Variants in ZNF804B observed in about 807,000 individuals in gnomAD.
ZNF804B encodes the protein zinc finger protein 804B, also known as zinc finger 804B.
In ZNF804B, 80 loss-of-function variants were observed where a neutral mutation model predicts 101.4. The observed-to-expected ratio is 0.79, with a 90% CI of 0.66 to 0.95. The LOEUF is 0.95. Among genes scored for constraint, ZNF804B ranks in the 40% least tolerant of loss-of-function variants. The probability of loss-of-function intolerance (pLI) is 0.00; values close to 1 mark genes in which losing one functional copy is unlikely to be tolerated. For synonymous variants in ZNF804B, 622 were observed against 558.8 expected (o/e 1.11, Z -1.59); for missense variants, 1,673 against 1,561.9 (o/e 1.07, Z -1.20).
intron 1 of ZNF804B, among the ~76,000 whole-genome samples, chr7:89,016,135 C>A (rs1283846330): frequency 1.3e-5 from 2 of 151,920 alleles, no homozygotes; most frequent in Non-Finnish European, 2.9e-5. Flanking sequence ...TAAATGTCTT[C>A]TTTTGAGAAG....
At chr7:88,830,703 C>T (rs978736532) in intron 1 of ZNF804B, among the ~76,000 whole-genome samples, 1 of 151,840 alleles carries the variant, frequency 6.6e-6, no homozygotes, top group African/African-American at 2.4e-5. Flanking sequence ...CACTATAGCC[C>T]TTATTTAGAT....
chr7:88,872,094 C>T (rs115343104), intron 1 of ZNF804B, among the ~76,000 whole-genome samples: 4,332 of 152,220 alleles, frequency 0.028, 219 homozygotes, highest in African/African-American at 0.098. Flanking sequence ...TTTTAAAACT[C>T]AGACAAAAAT....
At chr7:88,976,896 G>A (rs1793621663) in intron 1 of ZNF804B, among the ~76,000 whole-genome samples, 1 of 151,478 alleles carries the variant, frequency 6.6e-6, no homozygotes, top group African/African-American at 2.4e-5. Flanking sequence ...TTCTTTGTGT[G>A]TGGTATGTTC....
intron 1 of ZNF804B, among the ~76,000 whole-genome samples, chr7:88,787,408 C>A (rs144261567): frequency 1.3e-5 from 2 of 152,054 alleles, no homozygotes; most frequent in Non-Finnish European, 2.9e-5. Flanking sequence ...AGTGTTTATG[C>A]ACACTTCTTT....
At chr7:88,982,004 T>C (rs1464016358) in intron 1 of ZNF804B, among the ~76,000 whole-genome samples, 2 of 152,036 alleles carry the variant, frequency 1.3e-5, no homozygotes, top group Non-Finnish European at 2.9e-5. Context: ...TGGATAGTTA[T>C]TCAGTTTGTT....
intron 1 of ZNF804B, among the ~76,000 whole-genome samples, chr7:89,046,717 A>G (rs922376305): frequency 6.6e-6 from 1 of 152,094 alleles, no homozygotes; most frequent in South Asian, 2.1e-4. Flanking sequence ...CAAAAAAAGG[A>G]AGCGGAAAGT....
intron 1 of ZNF804B, among the ~76,000 whole-genome samples, chr7:89,070,441 A>G (rs551794375): frequency 2.0e-5 from 3 of 152,116 alleles, no homozygotes; most frequent in Admixed American, 6.5e-5. Flanking sequence ...TCCCAGAATG[A>G]TGTAATAACA....
intron 1 of ZNF804B, among the ~76,000 whole-genome samples, chr7:89,212,717 T>A (rs1182836816): frequency 1.3e-5 from 2 of 152,194 alleles, no homozygotes; most frequent in Non-Finnish European, 2.9e-5. Context: ...GTCTTAGGTG[T>A]CTTAGGAGAC....
At chr7:89,141,233 AATT>A (rs1186696910) in intron 1 of ZNF804B, among the ~76,000 whole-genome samples, 4 of 152,068 alleles carry the variant, frequency 2.6e-5, no homozygotes, top group African/African-American at 4.8e-5. Flanking sequence ...ATATAATAAT[AATT>A]AAAACATTTA....
chr7:88,869,241 A>G (rs749105042), intron 1 of ZNF804B, among the ~76,000 whole-genome samples: 4 of 152,242 alleles, frequency 2.6e-5, no homozygotes, highest in Non-Finnish European at 4.4e-5. Flanking sequence ...AGTATTGGTC[A>G]CAACTATAAA....
intron 1 of ZNF804B, among the ~76,000 whole-genome samples, chr7:88,996,498 C>A (rs1168497463): frequency 6.6e-6 from 1 of 152,030 alleles, no homozygotes; most frequent in African/African-American, 2.4e-5. Flanking sequence ...GGTTGTCTAT[C>A]TTTCTCAAGA....
At chr7:89,007,566 T>C (rs1191115208) in intron 1 of ZNF804B, among the ~76,000 whole-genome samples, 2 of 33,810 alleles carry the variant, frequency 5.9e-5, no homozygotes, top group East Asian at 9.0e-4. Context: ...TTATCTATTA[T>C]AATTATATAT....
At chr7:89,028,954 G>T (rs1474413717) in intron 1 of ZNF804B, among the ~76,000 whole-genome samples, 1 of 152,056 alleles carries the variant, frequency 6.6e-6, no homozygotes, top group Non-Finnish European at 1.5e-5. Context: ...TACAGGAATT[G>T]ATCTCCTACT....
At chr7:89,072,162 A>G (rs373498488) in intron 1 of ZNF804B, among the ~76,000 whole-genome samples, 1 of 152,204 alleles carries the variant, frequency 6.6e-6, no homozygotes, top group East Asian at 1.9e-4. Flanking sequence ...AATCTCCAAT[A>G]GGGAGAATGA....
intron 2 of ZNF804B, among the ~76,000 whole-genome samples, chr7:89,286,435 A>G (rs931045172): frequency 1.3e-5 from 2 of 152,258 alleles, no homozygotes; most frequent in African/African-American, 4.8e-5. Flanking sequence ...AGCCTGAAAC[A>G]ATTAATTACT....
intron 1 of ZNF804B, among the ~76,000 whole-genome samples, chr7:89,163,905 T>G (rs983552039): frequency 1.3e-5 from 2 of 152,012 alleles, no homozygotes; most frequent in Non-Finnish European, 2.9e-5. Flanking sequence ...CTTTGTTTCT[T>G]TCTTCTTCCT....
intron 1 of ZNF804B, among the ~76,000 whole-genome samples, chr7:88,914,499 G>T (rs1319006997): frequency 6.6e-6 from 1 of 152,138 alleles, no homozygotes; most frequent in Non-Finnish European, 1.5e-5. Context: ...AGCCAGCAGT[G>T]CCTGATCATT....
chr7:89,111,536 T>A (rs1249534190), intron 1 of ZNF804B, among the ~76,000 whole-genome samples: 1 of 152,210 alleles, frequency 6.6e-6, no homozygotes, highest in East Asian at 1.9e-4. Context: ...TAGTGAGTTG[T>A]CTGTTGAGAG....
At chr7:89,141,694 T>C (rs1199243445) in intron 1 of ZNF804B, among the ~76,000 whole-genome samples, 1 of 151,942 alleles carries the variant, frequency 6.6e-6, no homozygotes, top group South Asian at 2.1e-4. Context: ...GTCCAAGAGT[T>C]CCAATTTTTC....
Sources: allele counts gnomAD v4.1 joint callset (sites outside exome capture counted in the v4.1 genomes callset), GRCh38; gene constraint gnomAD v4.1.1; transcripts MANE v1.5; gene names NCBI Gene and HGNC (gene_info 2026-07-23, HGNC 2026-07-21).